Variants in FHAD1 observed in about 807,000 individuals in gnomAD.
FHAD1 encodes forkhead associated phosphopeptide binding domain 1.
Under a neutral mutation model 191.3 loss-of-function variants are expected in FHAD1, and 146 were observed. The observed-to-expected ratio is 0.76, with a 90% CI of 0.67 to 0.88. The LOEUF is 0.88. Ranked by LOEUF, FHAD1 falls within the 40% of genes least tolerant of loss-of-function variation. FHAD1 has a pLI of 0.00. For synonymous variants in FHAD1, 616 were observed against 672.3 expected (o/e 0.92, Z 1.29); for missense variants, 1,635 against 1,785.8 (o/e 0.92, Z 1.52).
At position 15,316,311 on chromosome 1, in the gene FHAD1, C is replaced by T; in HGVS notation, c.1171-67C>T. 7.7e-7 allele frequency: 1 copy of T among 1,304,132 alleles called. No homozygotes were observed. Among genetic ancestry groups the T allele is most frequent in the Non-Finnish European group, 1.1e-6 (1 of 926,088 alleles). The allele number at this position is 1,304,132 out of a possible 1,614,324, so 80.8% of individuals were successfully genotyped here. A position where few individuals can be genotyped will look rare whatever the true frequency, so the allele number is the denominator to read the frequency against. On this transcript the variant is annotated intron_variant, in intron 8 of 33. Transcript: ENST00000688493. The surrounding 1 kb of genome is among the most constrained non-coding windows in gnomAD (Gnocchi z 4.3). ...GGGGCTCACATGGGGCCTTGGAGCC[C>T]CTCCTTCCCCCGACAACCCTACCTG... is the stretch of plus-strand genomic sequence containing the variant.
chr1:15,295,667 A>G (rs1666705290), intron 4 of FHAD1, among the ~76,000 whole-genome samples: 1 of 152,136 alleles, frequency 6.6e-6, no homozygotes, highest in South Asian at 2.1e-4. Context: ...ACTCATACAT[A>G]TATATTTTCA....
At chr1:15,277,229 C>T (rs1658722410) in intron 3 of FHAD1, among the ~76,000 whole-genome samples, 1 of 152,204 alleles carries the variant, frequency 6.6e-6, no homozygotes, top group Non-Finnish European at 1.5e-5. Flanking sequence ...CTTGCAACCT[C>T]ATGACATCCT....
chr1:15,251,927 T>C (rs1646822394), intron 2 of FHAD1, 50 bp downstream of exon 2: 1 of 1,455,374 alleles, frequency 6.9e-7, no homozygotes, highest in African/African-American at 1.4e-5. Flanking sequence ...CCCTTCCTTC[T>C]CCCTCTCTAA....
chr1:15,376,778 A>G (rs2496341), intron 28 of FHAD1, among the ~76,000 whole-genome samples: 59,247 of 152,184 alleles, frequency 0.39, 15,087 homozygotes, highest in African/African-American at 0.73. Flanking sequence ...GCTCACGCCC[A>G]TCATCCCACC....
chr1:15,385,113 G>GAA (rs1553121967), intron 31 of FHAD1, among the ~76,000 whole-genome samples: 1 of 115,432 alleles, frequency 8.7e-6, no homozygotes, highest in African/African-American at 5.4e-5. Flanking sequence ...TTTGTCAAGG[G>GAA]AAAAAGGGGG....
At chr1:15,360,328 G>C in intron 21 of FHAD1, 150 bp from the exon 22 acceptor site, 1 of 644,884 alleles carries the variant, frequency 1.6e-6, no homozygotes, top group South Asian at 2.0e-5. Flanking sequence ...AAGGAGCTGG[G>C]GAAGAAGTGC....
chr1:15,303,848 C>CAA (rs765601462), intron 6 of FHAD1, among the ~76,000 whole-genome samples: 29 of 104,416 alleles, frequency 2.8e-4, no homozygotes, highest in South Asian at 6.2e-4. Context: ...GACTCTGTCT[C>CAA]AAAAAAAAAA....
chr1:15,293,671 TTGTG>T (rs1665856426), intron 4 of FHAD1, among the ~76,000 whole-genome samples: 1 of 152,090 alleles, frequency 6.6e-6, no homozygotes, highest in Non-Finnish European at 1.5e-5. Context: ...TGAGCTGAGA[TTGTG>T]CCACTGCACT....
intron 3 of FHAD1, among the ~76,000 whole-genome samples, chr1:15,274,670 C>T (rs898044445): frequency 4.0e-5 from 6 of 151,896 alleles, no homozygotes; most frequent in African/African-American, 1.5e-4. Context: ...TGAATGAGAA[C>T]GGTAGAGTTA....
Position 15,390,336 on chromosome 1 carries a change from C to T in FHAD1, c.4270-874C>T, listed in dbSNP as rs1385994882. On this transcript the variant is annotated intron_variant, in intron 32 of 33. Coordinates refer to ENST00000688493, the MANE Select transcript of FHAD1 (RefSeq NM_001391957.1). ...CTCCAGCCTGGGTGACAGAGTAAGA[C>T]TCTGTCTCAAAAAAAAAAAAAAAAA... 3.3e-3 allele frequency among the ~76,000 whole-genome samples: 387 copies of T among 118,942 alleles called. 1 individual carries two copies. The highest frequency in any genetic ancestry group is 0.014 in the African/African-American group (373 of 27,124). 78.0% of individuals were successfully genotyped at this position (118,942 alleles called of 152,430 possible).
chr1:15,287,495 G>A (rs908884451), intron 3 of FHAD1, among the ~76,000 whole-genome samples: 1 of 152,162 alleles, frequency 6.6e-6, no homozygotes. Flanking sequence ...GCAGAGCAAG[G>A]GGGTGGGGAA....
intron 14 of FHAD1, among the ~76,000 whole-genome samples, chr1:15,338,141 C>T (rs1425297400): frequency 1.3e-5 from 2 of 152,190 alleles, no homozygotes; most frequent in East Asian, 1.9e-4. Context: ...CCCCCACCAC[C>T]CCCACATCCC....
At chr1:15,357,946 A>G (rs1693422937) in intron 20 of FHAD1, 164 bp from the exon 21 acceptor site, 1 of 565,668 alleles carries the variant, frequency 1.8e-6, no homozygotes, top group Non-Finnish European at 3.1e-6. Context: ...GAGTTCTATA[A>G]TAATTGGAAC....
At position 15,316,482 on chromosome 1, in the gene FHAD1, C is replaced by T; in HGVS notation, c.1260+15C>T. ...TCTGCAAAACCGTGAGTTGAGCTTCCTCCTTTGTAGGTACCACCAGAAAAA... is the reference window on the plus strand; with the variant it reads ...TCTGCAAAACCGTGAGTTGAGCTTCTTCCTTTGTAGGTACCACCAGAAAAA... On this transcript the variant is annotated intron_variant, in intron 9 of 33. Transcript: ENST00000688493. This position sits in a 1 kb window ranked among gnomAD's most constrained non-coding sequence, Gnocchi z 4.3. 6.4e-7 allele frequency: 1 copy of T among 1,550,520 alleles called. No individual in the cohort carries two copies. Among genetic ancestry groups the T allele is most frequent in the Non-Finnish European group, 8.7e-7 (1 of 1,145,998 alleles).
chr1:15,317,680 G>A (rs1168277840), intron 9 of FHAD1, 144 bp from the exon 10 acceptor site: 2 of 596,506 alleles, frequency 3.4e-6, no homozygotes, highest in African/African-American at 1.9e-5. Context: ...TCCTCCAGGA[G>A]AAGGAATTAA....
At chr1:15,242,239 A>T (rs2100567793), upstream of FHAD1, among the ~76,000 whole-genome samples, 1 of 152,036 alleles carries the variant, frequency 6.6e-6, no homozygotes, top group South Asian at 2.1e-4. Flanking sequence ...TCTAAAAAAA[A>T]AAAAAAAAAA....
chr1:15,366,206 AC>A (rs1558242820), intron 24 of FHAD1, among the ~76,000 whole-genome samples: 1 of 145,904 alleles, frequency 6.9e-6, no homozygotes, highest in East Asian at 2.0e-4. Context: ...GATTGCTTGA[AC>A]CCAGGAGGTG....
At chr1:15,358,356 GT>G in intron 21 of FHAD1, 73 bp downstream of exon 21, 1 of 1,431,546 alleles carries the variant, frequency 7.0e-7, no homozygotes, top group Non-Finnish European at 9.4e-7. Flanking sequence ...AGAATGTGTG[GT>G]TTAGACCGGG....
At position 15,289,341 on chromosome 1, in the gene FHAD1, G is replaced by T. The variant is rs1414159876; in HGVS notation, c.301-58G>T. The T allele has an allele frequency of 5.2e-5, 79 of 1,522,342 alleles. No individual in the cohort carries two copies. Among genetic ancestry groups the T allele is most frequent in the Non-Finnish European group, 7.0e-5 (79 of 1,130,536 alleles). The allele number at this position is 1,522,342 out of a possible 1,614,324, so 94.3% of individuals were successfully genotyped here. On this transcript the variant is annotated intron_variant, in intron 3 of 33. Coordinates refer to ENST00000688493, the MANE Select transcript of FHAD1 (RefSeq NM_001391957.1). The surrounding 1 kb of genome is among the most constrained non-coding windows in gnomAD (Gnocchi z 4.2). ...GCAGCAATGCTGTGGCTGGGACAAAGAAATGGAGACCATCCCAGCCGGTCA... is the reference window on the plus strand; with the variant it reads ...GCAGCAATGCTGTGGCTGGGACAAATAAATGGAGACCATCCCAGCCGGTCA...
Sources: allele counts gnomAD v4.1 joint callset (sites outside exome capture counted in the v4.1 genomes callset), GRCh38; gene constraint gnomAD v4.1.1; non-coding constraint Gnocchi (gnomAD v3.1); transcripts MANE v1.5; gene names NCBI Gene and HGNC (gene_info 2026-07-23, HGNC 2026-07-21).